DIS3L2: variants seen among roughly 807,000 people sequenced by gnomAD.
The protein encoded by DIS3L2 is DIS3-like exonuclease 2.
Under a neutral mutation model 97.5 loss-of-function variants are expected in DIS3L2, and 34 were observed. The ratio of observed to expected loss-of-function variants is 0.35; its 90% CI spans 0.27 to 0.46. The LOEUF is 0.46. Among genes scored for constraint, DIS3L2 ranks in the 20% least tolerant of loss-of-function variants. The probability of loss-of-function intolerance (pLI) is 1.00; values close to 1 mark genes in which losing one functional copy is unlikely to be tolerated. For missense variants in DIS3L2, 1,038 were observed against 1,146.0 expected (o/e 0.91, Z 1.36); for synonymous variants, 435 against 445.2 (o/e 0.98, Z 0.29).
intron 9 of DIS3L2, among the ~76,000 whole-genome samples, chr2:232,190,239 TG>T (rs1691572415): frequency 6.6e-6 from 1 of 152,046 alleles, no homozygotes; most frequent in Non-Finnish European, 1.5e-5. Context: ...GAGGCTGAGA[TG>T]GGAGGATCAC....
chr2:232,045,778 A>G (rs1299023858), intron 5 of DIS3L2, among the ~76,000 whole-genome samples: 4 of 149,420 alleles, frequency 2.7e-5, no homozygotes, highest in Non-Finnish European at 5.9e-5. Flanking sequence ...GGGTTCAAGC[A>G]ATTCCCTTGC....
intron 13 of DIS3L2, among the ~76,000 whole-genome samples, chr2:232,291,211 AAAAG>A (rs1272474838): frequency 6.6e-6 from 1 of 152,272 alleles, no homozygotes; most frequent in East Asian, 1.9e-4. Flanking sequence ...TTTGTCTTAT[AAAAG>A]AAAGCAAAAA....
rs373281458 is a variant in DIS3L2 at position 232,202,597 on chromosome 2, T to C, written c.1125-7729T>C. Among the ~76,000 whole-genome samples the C allele has an allele frequency of 2.9e-4, 44 of 152,286 alleles. 1 individual carries two copies. The South Asian group carries it at 8.5e-3, about 29-fold the overall frequency. Reference sequence around the variant, plus strand: ...AATTCTGCTAACGCTTGAGTTGACCTTTCTGAGGACCCGAGGTTAGAAACA... The same window carrying C: ...AATTCTGCTAACGCTTGAGTTGACCCTTCTGAGGACCCGAGGTTAGAAACA... On this transcript the variant is annotated intron_variant, in intron 9 of 20. Transcript: ENST00000325385.
At chr2:232,262,714 G>A (rs556126858) in intron 12 of DIS3L2, among the ~76,000 whole-genome samples, 1 of 152,092 alleles carries the variant, frequency 6.6e-6, no homozygotes, top group Non-Finnish European at 1.5e-5. Context: ...TGGAAAAGTC[G>A]GAATGGGTTT....
intron 16 of DIS3L2, 73 bp from the exon 17 acceptor site, chr2:232,333,767 G>GGAGATCTC: frequency 6.9e-7 from 1 of 1,440,756 alleles, no homozygotes; most frequent in Non-Finnish European, 9.2e-7. Flanking sequence ...GTGAGGCTGT[G>GGAGATCTC]GGTGGTGCCA....
rs1440478671 is a variant in DIS3L2 at position 232,242,027 on chromosome 2, A to G, written c.1317+3382A>G. ...GAAGCCTGTCTTAATGTAGAGTCCA[A>G]AGAGTTTTAAGATGTTTCTTTCTGA... On this transcript the variant is annotated intron_variant, in intron 11 of 20. Transcript: ENST00000325385. Among the ~76,000 whole-genome samples, 3 of 152,216 alleles carry G rather than the reference A, an allele frequency of 2.0e-5. 1 individual carries two copies. The highest frequency in any genetic ancestry group is 4.4e-5 in the Non-Finnish European group (3 of 68,048).
At chr2:232,048,114 G>A (rs1695293397) in intron 5 of DIS3L2, among the ~76,000 whole-genome samples, 2 of 152,136 alleles carry the variant, frequency 1.3e-5, no homozygotes, top group African/African-American at 4.8e-5. Context: ...GTGACTCCAT[G>A]TTTAACAAAA....
chr2:232,280,241 T>A (rs1208001438), intron 13 of DIS3L2, among the ~76,000 whole-genome samples: 1 of 152,232 alleles, frequency 6.6e-6, no homozygotes, highest in Admixed American at 6.5e-5. Context: ...CCAGGCATGA[T>A]GCTCTCTGTG....
In DIS3L2 at chr2:232,290,688, C is replaced by T. The variant is rs960186001; in HGVS notation, c.1660-9352C>T. Reference sequence around the variant, plus strand: ...CTGTCATTTTTAACCTTAATGAGAACAGAGCAAGCCTCTGGAACAAGGTGC... The same window carrying T: ...CTGTCATTTTTAACCTTAATGAGAATAGAGCAAGCCTCTGGAACAAGGTGC... On this transcript the variant is annotated intron_variant, in intron 13 of 20. Coordinates refer to ENST00000325385, the MANE Select transcript of DIS3L2 (RefSeq NM_152383.5). Among the ~76,000 whole-genome samples, 13 of 152,280 alleles carry T rather than the reference C, an allele frequency of 8.5e-5. No individual in the cohort carries two copies. The East Asian group carries it at 2.5e-3, about 29-fold the overall frequency.
At chr2:232,339,762 T>C (rs1010449534), downstream of DIS3L2, 1 of 454,632 alleles carries the variant, frequency 2.2e-6, no homozygotes, top group Non-Finnish European at 4.4e-6. Flanking sequence ...GCAGTGCCTT[T>C]TGGGAGCGCA....
At position 232,304,685 on chromosome 2, in the gene DIS3L2, C is replaced by T. The variant is rs369327318; in HGVS notation, c.1739+4566C>T. ...TCCTGCCGTTAGCTGGTTGGCCTCC[C>T]GGCTGTCCTCTCTGCAGCCTGAGTG... On this transcript the variant is annotated intron_variant, in intron 14 of 20. Coordinates refer to ENST00000325385, the MANE Select transcript of DIS3L2 (RefSeq NM_152383.5). 1.5e-4 allele frequency among the ~76,000 whole-genome samples: 23 copies of T among 152,298 alleles called. 2 individuals carry two copies. The highest frequency in any genetic ancestry group is 9.7e-4 in the East Asian group (5 of 5,176).
rs1437131882 is a variant in DIS3L2, at chr2:232,185,159, G to C, written c.1124+21527G>C. Among the ~76,000 whole-genome samples, 4 of 152,094 alleles carry C rather than the reference G, an allele frequency of 2.6e-5. No individual in the cohort carries two copies. The East Asian group carries it at 7.7e-4, about 29-fold the overall frequency. Reference sequence around the variant, plus strand: ...TACATGGCATCCAGACCCAAATAAAGTGATCATGGAATATTCACCAAGATA... The same window carrying C: ...TACATGGCATCCAGACCCAAATAAACTGATCATGGAATATTCACCAAGATA... On this transcript the variant is annotated intron_variant, in intron 9 of 20. Transcript: ENST00000325385.
At position 232,336,881 on chromosome 2, in the gene DIS3L2, C is replaced by T. The variant is rs886055776; in HGVS notation, c.*251C>T. ...GCCCCAGTCCTCCTGGGAGGCTGGC[C>T]CCCCTTTTTTCTGGGCCCTACTGCC... On this transcript the variant is annotated 3_prime_UTR_variant, in exon 21 of 21. Coordinates refer to ENST00000325385, the MANE Select transcript of DIS3L2 (RefSeq NM_152383.5). 7.5e-7 allele frequency: 1 copy of T among 1,325,638 alleles called. No individual in the cohort carries two copies. Among genetic ancestry groups the T allele is most frequent in the Non-Finnish European group, 9.6e-7 (1 of 1,037,678 alleles). The allele number at this position is 1,325,638 out of a possible 1,614,324, so 82.1% of individuals were successfully genotyped here. A position where few individuals can be genotyped will look rare whatever the true frequency, so the allele number is the denominator to read the frequency against.
intron 1 of DIS3L2, among the ~76,000 whole-genome samples, chr2:231,971,144 G>C (rs1347591768): frequency 6.6e-6 from 1 of 152,086 alleles, no homozygotes; most frequent in Non-Finnish European, 1.5e-5. Flanking sequence ...CTGTTTTATA[G>C]TTAACATTTT....
intron 1 of DIS3L2, among the ~76,000 whole-genome samples, chr2:231,967,378 A>G (rs750492391): frequency 6.6e-6 from 1 of 152,196 alleles, no homozygotes; most frequent in South Asian, 2.1e-4. Context: ...GTGATTATCT[A>G]GATGCTGAGG....
chr2:231,997,137 G>A (rs1349727767), intron 1 of DIS3L2, among the ~76,000 whole-genome samples: 1 of 152,226 alleles, frequency 6.6e-6, no homozygotes, highest in Non-Finnish European at 1.5e-5. Context: ...TTGTAAGGAA[G>A]CAAAGGTTTA....
chr2:232,023,157 C>A (rs1278162176), intron 3 of DIS3L2: 1 of 152,174 alleles, frequency 6.6e-6, no homozygotes, highest in African/African-American at 2.4e-5. Flanking sequence ...TTATGTTTTC[C>A]TTTAAAATAG....
intron 12 of DIS3L2, among the ~76,000 whole-genome samples, chr2:232,253,210 C>T (rs189033737): frequency 2.4e-4 from 37 of 152,292 alleles, no homozygotes; most frequent in East Asian, 5.8e-4. Context: ...CCAGAGCATT[C>T]GGTTGTTCGA....
At chr2:232,191,255 C>T (rs1022647723) in intron 9 of DIS3L2, among the ~76,000 whole-genome samples, 3 of 152,058 alleles carry the variant, frequency 2.0e-5, no homozygotes, top group Non-Finnish European at 4.4e-5. Context: ...AGCCAGTGGG[C>T]GACATACACA....
Sources: gnomAD v4.1 joint callset for allele counts (sites outside exome capture counted in the v4.1 genomes callset) on GRCh38, gnomAD v4.1.1 for gene constraint, MANE v1.5 for transcripts, NCBI Gene and HGNC (gene_info 2026-07-23, HGNC 2026-07-21) for gene names.